SH3BP1: variants seen among roughly 807,000 people sequenced by gnomAD.
SH3BP1 encodes SH3 domain binding protein 1, also known as SH3 domain-binding protein 1.
In SH3BP1, 46 loss-of-function variants were observed where a neutral mutation model predicts 69.8. The ratio of observed to expected loss-of-function variants is 0.66; its 90% CI spans 0.52 to 0.84. The LOEUF (loss-of-function observed/expected upper bound fraction) is 0.84, where lower values mean the gene tolerates loss of function less well. SH3BP1 is among the 40% of genes least tolerant of loss of function. The pLI, the probability that SH3BP1 is intolerant of heterozygous loss-of-function variation, is 0.00. For synonymous variants in SH3BP1, 403 were observed against 378.0 expected (o/e 1.07, Z -0.77); for missense variants, 868 against 930.9 (o/e 0.93, Z 0.88).
At chr22:37,646,693 C>A in intron 10 of SH3BP1, 125 bp from the exon 11 acceptor site, 1 of 488,084 alleles carries the variant, frequency 2.0e-6, no homozygotes, top group Non-Finnish European at 3.5e-6. Context: ...GCCCACACTG[C>A]CAGCCAGACC....
intron 3 of SH3BP1, chr22:37,641,825 G>A (rs1010016755): frequency 2.6e-5 from 7 of 265,870 alleles, no homozygotes; most frequent in Non-Finnish European, 4.3e-5. Flanking sequence ...AGGGATACAC[G>A]TTTATTAATC....
chr22:37,644,092 G>A (rs1201416800), intron 7 of SH3BP1, among the ~76,000 whole-genome samples: 1 of 152,214 alleles, frequency 6.6e-6, no homozygotes, highest in Non-Finnish European at 1.5e-5. Flanking sequence ...ACAGGTCACT[G>A]TGCAAGGCCA....
intron 3 of SH3BP1, chr22:37,641,743 C>T (rs1450167457): frequency 4.7e-6 from 2 of 424,910 alleles, no homozygotes; most frequent in South Asian, 3.6e-5. Flanking sequence ...CCAATCAGTG[C>T]GCAAGAGCAG....
chr22:37,647,480 G>A lies in SH3BP1; in HGVS notation c.1158G>A (p.Glu386=), dbSNP rs1932804950. Residue 386 remains glutamate, a synonymous_variant, in exon 13 of 18, where the codon GAG becomes GAA. Transcript: ENST00000649765. The part of the protein sequence containing the change: ...EPGARLQALQ[E]VCSRLPPENL... ...GGGCCCGGCTGCAGGCCCTCCAAGA[G>A]GTGTGCAGCCGCCTACCCCCCGAGA... The A allele has an allele frequency of 6.2e-7, 1 of 1,609,202 alleles. No homozygotes were observed. Among genetic ancestry groups the A allele is most frequent in the Non-Finnish European group, 8.5e-7 (1 of 1,179,674 alleles).
chr22:37,641,908 T>C (rs1211332895), intron 3 of SH3BP1: 1 of 184,706 alleles, frequency 5.4e-6, no homozygotes, highest in Non-Finnish European at 1.2e-5. Flanking sequence ...CATGGAACAC[T>C]GGCACAACCC....
intron 1 of SH3BP1, 49 bp downstream of exon 1, chr22:37,639,895 G>A (rs1480597611): frequency 6.9e-7 from 1 of 1,459,192 alleles, no homozygotes; most frequent in Admixed American, 2.2e-5. Context: ...CAGGACTTGA[G>A]GGGTCGTAAA....
Position 37,646,933 on chromosome 22 carries a change from C to T in SH3BP1, c.1036+4C>T. ...TCCGACCCGCACGCTGTGGCAGGTGCCTGATCCGGGGAGCCCTGGGCAGGA... is the reference window on the plus strand; with the variant it reads ...TCCGACCCGCACGCTGTGGCAGGTGTCTGATCCGGGGAGCCCTGGGCAGGA... On this transcript the variant is annotated splice_donor_region_variant and intron_variant, in intron 11 of 17. Transcript: ENST00000649765. The T allele has an allele frequency of 6.6e-7, 1 of 1,519,822 alleles. No homozygotes were observed. The highest frequency in any genetic ancestry group is 8.8e-7 in the Non-Finnish European group (1 of 1,136,996). The allele number at this position is 1,519,822 out of a possible 1,614,324, so 94.1% of individuals were successfully genotyped here.
In SH3BP1 at chr22:37,655,884, G is replaced by C. The variant is rs1342573428; in HGVS notation, c.*200G>C. On this transcript the variant is annotated 3_prime_UTR_variant, in exon 18 of 18. Coordinates refer to ENST00000649765, the MANE Select transcript of SH3BP1 (RefSeq NM_018957.6). Reference sequence around the variant, plus strand: ...TCCTGACCTTTTCCTCGTCCACCCTGGGCTTGGGGACCCCCCCACCGGACT... The same window carrying C: ...TCCTGACCTTTTCCTCGTCCACCCTCGGCTTGGGGACCCCCCCACCGGACT... The C allele has an allele frequency of 6.5e-7, 1 of 1,549,480 alleles. No individual in the cohort carries two copies.
At chr22:37,647,229 G>A (rs1233860844) in intron 11 of SH3BP1, 38 bp from the exon 12 acceptor site, 1 of 1,569,344 alleles carries the variant, frequency 6.4e-7, no homozygotes, top group Non-Finnish European at 8.8e-7. Flanking sequence ...GAGAGCGGGT[G>A]GGGGCTGCCT....
intron 17 of SH3BP1, among the ~76,000 whole-genome samples, chr22:37,654,090 GA>G (rs1305707957): frequency 2.0e-5 from 3 of 152,192 alleles, no homozygotes; most frequent in African/African-American, 7.2e-5. Flanking sequence ...TGTGTAATGG[GA>G]CAGTGTCTGC....
intron 16 of SH3BP1, among the ~76,000 whole-genome samples, chr22:37,652,636 A>C (rs1018709672): frequency 7.7e-4 from 110 of 143,370 alleles, no homozygotes; most frequent in East Asian, 2.8e-3. Context: ...CCAGCCTGGC[A>C]AACATGGTGA....
intron 10 of SH3BP1, among the ~76,000 whole-genome samples, chr22:37,645,965 T>A (rs1932779688): frequency 6.7e-6 from 1 of 148,698 alleles, no homozygotes; most frequent in South Asian, 2.2e-4. Flanking sequence ...TTACACTTTT[T>A]TTTTTTTTTT....
intron 8 of SH3BP1, 34 bp from the exon 9 acceptor site, chr22:37,644,836 C>A (rs772511076): frequency 6.2e-7 from 1 of 1,611,432 alleles, no homozygotes; most frequent in Non-Finnish European, 8.5e-7. Context: ...CAGCTTCCCC[C>A]ACTTCCGCTC....
At position 37,639,787 on chromosome 22, in the gene SH3BP1, G is replaced by T; in HGVS notation, c.-1G>T. 1 of 1,545,128 alleles carries T rather than the reference G, an allele frequency of 6.5e-7. No homozygotes were observed. The highest frequency in any genetic ancestry group is 8.7e-7 in the Non-Finnish European group (1 of 1,147,474). On this transcript the variant is annotated 5_prime_UTR_variant, in exon 1 of 18. Coordinates refer to ENST00000649765, the MANE Select transcript of SH3BP1 (RefSeq NM_018957.6). ...CCCGCAGCCCCCAGCTCGCCCCCAA[G>T]ATGATGAAGAGGCAGCTGCACCGCA...
In SH3BP1 at chr22:37,655,312, C is replaced by G. The variant is rs1487469894; in HGVS notation, c.1734C>G (p.Pro578=). The change falls in exon 18 of 18, where the codon CCC becomes CCG. Residue 578 remains proline (P), a synonymous_variant. Coordinates refer to ENST00000649765, the MANE Select transcript of SH3BP1 (RefSeq NM_018957.6). ...PAPARPTMPP[P]QVSGSRSSPP... Reference sequence around the variant, plus strand: ...CAGCCCGGCCCACCATGCCGCCCCCCCAGGTCTCCGGCTCCCGCTCCTCCC... The same window carrying G: ...CAGCCCGGCCCACCATGCCGCCCCCGCAGGTCTCCGGCTCCCGCTCCTCCC... 11 of 1,564,092 alleles carry G rather than the reference C, an allele frequency of 7.0e-6. No homozygotes were observed. In the South Asian group the frequency reaches 1.1e-4, roughly 16 times the overall value.
rs555382026 is a variant in SH3BP1, at chr22:37,649,581, C to T, written c.1317-571C>T. The stretch of plus-strand genomic sequence containing the variant: ...GGTGGATCACCTGAGGTCGGGAGTT[C>T]GAGACCAGCCTGGCCAACATGGTGA... On this transcript the variant is annotated intron_variant, in intron 14 of 17. Transcript: ENST00000649765. Among the ~76,000 whole-genome samples, 21 of 152,060 alleles carry T rather than the reference C, an allele frequency of 1.4e-4. 1 individual carries two copies. In the South Asian group the frequency reaches 2.7e-3, roughly 20 times the overall value.
In SH3BP1 at chr22:37,655,354, G is replaced by C. The variant is rs113675586; in HGVS notation, c.1776G>C (p.Leu592Phe). 44 of 1,191,636 alleles carry C rather than the reference G, an allele frequency of 3.7e-5. 1 individual carries two copies. In the Middle Eastern group the frequency reaches 9.2e-4, roughly 25 times the overall value. 73.8% of individuals were successfully genotyped at this position (1,191,636 alleles called of 1,614,324 possible). A position where few individuals can be genotyped will look rare whatever the true frequency, so the allele number is the denominator to read the frequency against. The change falls in exon 18 of 18, where the codon TTG becomes TTC. Residue 592 changes from leucine (L) to phenylalanine (F), a missense_variant. Leu to Phe is a conservative substitution (Grantham distance 22). Around this residue, in one of 3 missense-constraint regions of SH3BP1, gnomAD observed 474 missense variants for 462.3 expected, o/e 1.03. Transcript: ENST00000649765. The stretch of plus-strand genomic sequence containing the variant: ...GCTCCTCCCCTCCAGCCCCGCCCTT[G>C]CCCCCTGGCTCTGGCAGCCCTGGGA... The part of the protein sequence containing the change: ...GSRSSPPAPP[L>F]PPGSGSPGTP...
chr22:37,647,622 C>T lies in SH3BP1; in HGVS notation c.1199+101C>T, dbSNP rs550126391. The T allele has an allele frequency of 2.5e-5, 19 of 774,968 alleles. No individual in the cohort carries two copies. In the South Asian group the frequency reaches 3.1e-4, roughly 13 times the overall value. The allele number at this position is 774,968 out of a possible 1,614,324, so 48.0% of individuals were successfully genotyped here. The stretch of plus-strand genomic sequence containing the variant: ...CTTGAGCCTGGCCTTGCCACTGTAT[C>T]CTAAGAAATATTACTGAAAATGCAG... On this transcript the variant is annotated intron_variant, in intron 13 of 17. Transcript: ENST00000649765.
chr22:37,640,882 G>A (rs1358260249), intron 1 of SH3BP1: 8 of 544,064 alleles, frequency 1.5e-5, no homozygotes, highest in East Asian at 6.4e-5. Flanking sequence ...TCATCTGTCC[G>A]CCCTCTCTCA....
Sources: allele counts gnomAD v4.1 joint callset (sites outside exome capture counted in the v4.1 genomes callset), GRCh38; gene constraint gnomAD v4.1.1; regional missense constraint gnomAD v4.1.1; transcripts MANE v1.5; gene names NCBI Gene and HGNC (gene_info 2026-07-23, HGNC 2026-07-21).